The following PRKCH variants were observed in gnomAD, a reference collection of about 807,000 sequenced individuals.
PRKCH encodes protein kinase C eta, also known as protein kinase C eta type.
PRKCH carries 28 observed loss-of-function variants against 82.5 expected under a neutral mutation model. The observed-to-expected ratio is 0.34, with a 90% confidence interval of 0.25 to 0.47. The LOEUF is 0.47. Among genes scored for constraint, PRKCH ranks in the 20% least tolerant of loss-of-function variants. The pLI, the probability that PRKCH is intolerant of heterozygous loss-of-function variation, is 1.00. For synonymous variants in PRKCH, 322 were observed against 327.4 expected (o/e 0.98, Z 0.18); for missense variants, 705 against 881.8 (o/e 0.80, Z 2.54).
rs189563096 is a variant in PRKCH at position 61,226,683 on chromosome 14, G to A, written c.-19+39015G>A. Reference sequence around the variant, plus strand: ...TGGCAGTGGTTGGGAGACAATGGTCGTTCTCTAAAGATTCTGGGTTCTCTT... The same window carrying A: ...TGGCAGTGGTTGGGAGACAATGGTCATTCTCTAAAGATTCTGGGTTCTCTT... On this transcript the variant is annotated intron_variant, in intron 1 of 3. Transcript: ENST00000555185. Among the ~76,000 whole-genome samples, 7 of 152,280 alleles carry A rather than the reference G, an allele frequency of 4.6e-5. No individual in the cohort carries two copies. The South Asian group carries it at 1.0e-3, about 23-fold the overall frequency.
chr14:61,360,008 A>C (rs1467129841), intron 1 of PRKCH, among the ~76,000 whole-genome samples: 1 of 152,224 alleles, frequency 6.6e-6, no homozygotes, highest in African/African-American at 2.4e-5. Flanking sequence ...GGAACACCAG[A>C]TACTTACTTA....
chr14:61,290,723 T>A (rs1251517047), intron 1 of PRKCH, among the ~76,000 whole-genome samples: 2 of 152,132 alleles, frequency 1.3e-5, no homozygotes, highest in Admixed American at 1.3e-4. Flanking sequence ...CCTCTGCAAA[T>A]ATCTCTCATT....
intron 1 of PRKCH, among the ~76,000 whole-genome samples, chr14:61,378,930 A>G (rs1176388100): frequency 6.6e-6 from 1 of 152,044 alleles, no homozygotes; most frequent in African/African-American, 2.4e-5. Flanking sequence ...AATTCCCACC[A>G]CCAGCTTCTC....
At position 61,507,516 on chromosome 14, in the gene PRKCH, A is replaced by T. The variant is rs549791691; in HGVS notation, c.1434-21559A>T. Among the ~76,000 whole-genome samples the T allele has an allele frequency of 1.2e-4, 18 of 152,322 alleles. No homozygotes were observed. The Middle Eastern group carries it at 0.017, about 144-fold the overall frequency. On this transcript the variant is annotated intron_variant, in intron 10 of 13. Coordinates refer to ENST00000332981, the MANE Select transcript of PRKCH (RefSeq NM_006255.5). ...TTGCAGCGTTATTCACGATAGTCAA[A>T]ATATGGAAACAATCTAAATGTCCTT... is the stretch of plus-strand genomic sequence containing the variant.
intron 1 of PRKCH, among the ~76,000 whole-genome samples, chr14:61,210,959 T>A (rs1028066339): frequency 3.3e-5 from 5 of 152,050 alleles, no homozygotes. Flanking sequence ...AACCCAAAAG[T>A]CCAAGTAAAT....
Position 61,240,910 on chromosome 14 carries a change from G to A in PRKCH, c.-19+53242G>A, listed in dbSNP as rs77190846. On this transcript the variant is annotated intron_variant, in intron 1 of 3. Transcript: ENST00000555185. ...ACAGAACACTTCAGTAACTAAATGT[G>A]TGAGGTTTTTTCCCCACACACCAAG... Among the ~76,000 whole-genome samples, 271 of 151,712 alleles carry A rather than the reference G, an allele frequency of 1.8e-3. 1 individual carries two copies. The highest frequency in any genetic ancestry group is 6.3e-3 in the African/African-American group (261 of 41,292).
At chr14:61,417,920 AT>A (rs1394532111) in intron 2 of PRKCH, among the ~76,000 whole-genome samples, 1 of 152,154 alleles carries the variant, frequency 6.6e-6, no homozygotes, top group Non-Finnish European at 1.5e-5. Context: ...CACATGGGTT[AT>A]TTCTCTACTG....
intron 10 of PRKCH, among the ~76,000 whole-genome samples, chr14:61,491,208 T>C (rs185316154): frequency 6.6e-6 from 1 of 152,376 alleles, no homozygotes; most frequent in African/African-American, 2.4e-5. Context: ...CTACTCATTC[T>C]AGTGAGGAAA....
intron 9 of PRKCH, among the ~76,000 whole-genome samples, chr14:61,466,006 G>A (rs145564341): frequency 6.6e-6 from 1 of 152,252 alleles, no homozygotes; most frequent in African/African-American, 2.4e-5. Context: ...AAAAATAGGA[G>A]GTTAGAATCC....
chr14:61,455,169 A>G (rs1456570976), intron 7 of PRKCH, among the ~76,000 whole-genome samples: 2 of 150,446 alleles, frequency 1.3e-5, no homozygotes, highest in Non-Finnish European at 3.0e-5. Flanking sequence ...AGCTGGGACT[A>G]TAGGCACCCG....
At chr14:61,457,485 C>T (rs1884829077) in intron 8 of PRKCH, 21 bp from the exon 9 acceptor site, 1 of 1,611,616 alleles carries the variant, frequency 6.2e-7, no homozygotes, top group Non-Finnish European at 8.5e-7. Context: ...CCTCATGCTC[C>T]CTCCTTTTGC....
intron 12 of PRKCH, among the ~76,000 whole-genome samples, chr14:61,533,286 A>G (rs1490650996): frequency 2.0e-5 from 3 of 148,646 alleles, no homozygotes; most frequent in Admixed American, 6.7e-5. Flanking sequence ...GTTGTCAGAT[A>G]AAATTACTAA....
At chr14:61,304,447 A>G (rs1346806804) in intron 1 of PRKCH, 2 of 152,110 alleles carry the variant, frequency 1.3e-5, no homozygotes, top group African/African-American at 4.8e-5. Flanking sequence ...CAATTCTTCT[A>G]TTAGTATTTA....
intron 1 of PRKCH, among the ~76,000 whole-genome samples, chr14:61,209,460 G>A (rs1235037957): frequency 2.0e-5 from 3 of 151,770 alleles, no homozygotes; most frequent in South Asian, 2.1e-4. Context: ...CCAGTCTATC[G>A]TATTTTATCA....
At chr14:61,361,500 C>T (rs2046224444) in intron 1 of PRKCH, among the ~76,000 whole-genome samples, 1 of 152,160 alleles carries the variant, frequency 6.6e-6, no homozygotes, top group South Asian at 2.1e-4. Context: ...TGTTTGTGAA[C>T]TTTGTTCATG....
intron 13 of PRKCH, 59 bp downstream of exon 13, chr14:61,547,945 CAA>C (rs759917654): frequency 1.9e-6 from 3 of 1,582,602 alleles, no homozygotes; most frequent in Non-Finnish European, 2.6e-6. Flanking sequence ...AGCATTCCAC[CAA>C]AGTCCGTAGA....
At chr14:61,267,095 C>T (rs1235435959) in intron 1 of PRKCH, among the ~76,000 whole-genome samples, 1 of 152,178 alleles carries the variant, frequency 6.6e-6, no homozygotes, top group Non-Finnish European at 1.5e-5. Context: ...ATAGAACTGG[C>T]TCAGTCTTCA....
chr14:61,368,267 C>T (rs1490280919), intron 1 of PRKCH, among the ~76,000 whole-genome samples: 1 of 151,894 alleles, frequency 6.6e-6, no homozygotes, highest in Non-Finnish European at 1.5e-5. Context: ...ACAGTCTACC[C>T]TTCACCTCTT....
upstream of PRKCH, among the ~76,000 whole-genome samples, chr14:61,321,441 G>A (rs770033866): frequency 1.3e-5 from 2 of 152,200 alleles, no homozygotes; most frequent in Non-Finnish European, 2.9e-5. The surrounding 1 kb of genome is among the most constrained non-coding windows in gnomAD (Gnocchi z 4.1). Context: ...GCGCTACAAG[G>A]AGGGCGCGCA....
Sources: gnomAD v4.1 joint callset for allele counts (sites outside exome capture counted in the v4.1 genomes callset) on GRCh38, gnomAD v4.1.1 for gene constraint, Gnocchi (gnomAD v3.1) non-coding constraint, MANE v1.5 for transcripts, NCBI Gene and HGNC (gene_info 2026-07-23, HGNC 2026-07-21) for gene names.